The following CSMD2 variants were observed in gnomAD, a reference collection of about 807,000 sequenced individuals.
CSMD2 encodes the protein CUB and sushi domain-containing protein 2.
CSMD2 carries 130 observed loss-of-function variants against 398.5 expected under a neutral mutation model. The observed-to-expected ratio is 0.33, with a 90% confidence interval of 0.28 to 0.38. The LOEUF is 0.38. Ranked by LOEUF, CSMD2 falls within the 10% of genes least tolerant of loss-of-function variation. The pLI, the probability that CSMD2 is intolerant of heterozygous loss-of-function variation, is 1.00. For synonymous variants in CSMD2, 1,828 were observed against 1,908.5 expected (o/e 0.96, Z 1.10); for missense variants, 3,829 against 4,764.9 (o/e 0.80, Z 5.78).
chr1:33,614,408 G>T, intron 40 of CSMD2, 96 bp downstream of exon 40: 1 of 739,416 alleles, frequency 1.4e-6, no homozygotes, highest in Non-Finnish European at 2.5e-6. Flanking sequence ...AACAGACTTG[G>T]CCCAAGTTTG....
At chr1:33,644,441 C>G (rs1351512944) in intron 29 of CSMD2, among the ~76,000 whole-genome samples, 1 of 152,116 alleles carries the variant, frequency 6.6e-6, no homozygotes, top group Non-Finnish European at 1.5e-5. Flanking sequence ...TTTGGAATCT[C>G]TGCCAAGAAG....
Position 33,571,648 on chromosome 1 carries a change from A to C in CSMD2, c.7841T>G (p.Phe2614Cys). 1.3e-6 allele frequency: 2 copies of C among 1,587,614 alleles called. No individual in the cohort carries two copies. The highest frequency in any genetic ancestry group is 2.3e-5 in the South Asian group (2 of 85,904). ...ACAGATGAGCATCAGCTGGGCCTGG[A>C]ACTGATACTGTGTCTCAAAGATAAG... The part of the protein sequence containing the change: ...WRLIFETQYQ[F>C]QAQLMLICDP... Residue 2614 changes from phenylalanine to cysteine, a missense_variant, in exon 51 of 71, where the codon TTC (phenylalanine) becomes TGC (cysteine). Coordinates refer to ENST00000373381, the MANE Select transcript of CSMD2 (RefSeq NM_001281956.2).
At chr1:33,809,933 A>T (rs1313084464) in intron 10 of CSMD2, among the ~76,000 whole-genome samples, 2 of 152,156 alleles carry the variant, frequency 1.3e-5, no homozygotes, top group Non-Finnish European at 2.9e-5. Context: ...TAAGATATTT[A>T]GGAGTAAATA....
intron 2 of CSMD2, among the ~76,000 whole-genome samples, chr1:34,041,633 G>T (rs192255295): frequency 6.6e-6 from 1 of 152,232 alleles, no homozygotes; most frequent in Middle Eastern, 3.4e-3. Flanking sequence ...CAGGCTTGCA[G>T]CAAGGAGACC....
intron 10 of CSMD2, among the ~76,000 whole-genome samples, chr1:33,803,219 C>A (rs1277557408): frequency 1.3e-5 from 2 of 152,194 alleles, no homozygotes; most frequent in African/African-American, 4.8e-5. Flanking sequence ...TTTCTCCTGT[C>A]ACGACGGTAT....
intron 12 of CSMD2, among the ~76,000 whole-genome samples, chr1:33,784,383 C>A (rs889304102): frequency 1.3e-5 from 2 of 152,090 alleles, no homozygotes; most frequent in Non-Finnish European, 2.9e-5. Context: ...GTAGAGGGGG[C>A]TCCTCACCAG....
At chr1:33,821,511 G>T (rs1391189495) in intron 7 of CSMD2, among the ~76,000 whole-genome samples, 1 of 152,126 alleles carries the variant, frequency 6.6e-6, no homozygotes, top group Non-Finnish European at 1.5e-5. Context: ...TCTAGACAAG[G>T]GTTCCAGGGC....
intron 7 of CSMD2, among the ~76,000 whole-genome samples, chr1:33,822,683 T>C (rs1658295673): frequency 6.6e-6 from 1 of 152,092 alleles, no homozygotes; most frequent in African/African-American, 2.4e-5. Flanking sequence ...CAGAGGAAGC[T>C]CCTGCTTCCT....
At chr1:33,971,372 G>A (rs1159272165) in intron 3 of CSMD2, among the ~76,000 whole-genome samples, 1 of 152,202 alleles carries the variant, frequency 6.6e-6, no homozygotes, top group African/African-American at 2.4e-5. Context: ...ATCTTCCTCC[G>A]GCCTTATGGT....
chr1:33,539,273 G>A (rs1246619151), intron 60 of CSMD2, among the ~76,000 whole-genome samples: 2 of 152,130 alleles, frequency 1.3e-5, no homozygotes, highest in Admixed American at 1.3e-4. Flanking sequence ...GCCAAGAAAG[G>A]CAATTTTCAG....
At chr1:34,009,760 A>G (rs1647185408) in intron 3 of CSMD2, among the ~76,000 whole-genome samples, 1 of 151,886 alleles carries the variant, frequency 6.6e-6, no homozygotes, top group Admixed American at 6.6e-5. Flanking sequence ...CCTTTGCCTT[A>G]TTGCTTCCTC....
chr1:33,597,000 A>C (rs1226486351), intron 44 of CSMD2, among the ~76,000 whole-genome samples: 1 of 152,120 alleles, frequency 6.6e-6, no homozygotes, highest in East Asian at 1.9e-4. Context: ...CTAGACTTAT[A>C]TTAGAAGAAG....
chr1:33,583,090 A>G (rs912699224), intron 47 of CSMD2, among the ~76,000 whole-genome samples: 1 of 152,226 alleles, frequency 6.6e-6, no homozygotes, highest in Non-Finnish European at 1.5e-5. Flanking sequence ...TGAGGACATC[A>G]TATTAATTAG....
intron 20 of CSMD2, among the ~76,000 whole-genome samples, chr1:33,715,359 G>C (rs764054971): frequency 1.2e-4 from 19 of 152,256 alleles, no homozygotes; most frequent in Non-Finnish European, 1.8e-4. Context: ...CAGACGGCAA[G>C]CATGACCAGG....
chr1:33,989,863 G>A lies in CSMD2; in HGVS notation c.517+42731C>T, dbSNP rs1646489906. On this transcript the variant is annotated intron_variant, in intron 3 of 70. Transcript: ENST00000373381. ...GATGGGAGGAGAATGACTAAGAACC[G>A]GCACAAAGAAACTTTTGGGGGCGAT... is the stretch of plus-strand genomic sequence containing the variant. Among the ~76,000 whole-genome samples the A allele has an allele frequency of 5.9e-5, 9 of 152,194 alleles. No individual in the cohort carries two copies. In the South Asian group the frequency reaches 1.7e-3, roughly 28 times the overall value.
intron 22 of CSMD2, among the ~76,000 whole-genome samples, chr1:33,707,928 C>T (rs1645859911): frequency 6.6e-6 from 1 of 152,200 alleles, no homozygotes; most frequent in Non-Finnish European, 1.5e-5. Flanking sequence ...AAGGACTTCT[C>T]TGGCTACAAG....
chr1:33,718,305 A>C (rs1646241352), intron 19 of CSMD2, among the ~76,000 whole-genome samples: 1 of 152,262 alleles, frequency 6.6e-6, no homozygotes, highest in Admixed American at 6.5e-5. Context: ...TTAACACCCA[A>C]AGCAATTCTA....
intron 49 of CSMD2, among the ~76,000 whole-genome samples, chr1:33,573,076 C>T (rs1659741088): frequency 6.6e-6 from 1 of 152,058 alleles, no homozygotes; most frequent in Admixed American, 6.6e-5. Context: ...TGAATTAGGG[C>T]TGTTATGGTG....
At chr1:33,557,060 G>A (rs1469944138) in intron 55 of CSMD2, among the ~76,000 whole-genome samples, 2 of 152,238 alleles carry the variant, frequency 1.3e-5, no homozygotes, top group African/African-American at 4.8e-5. Flanking sequence ...AAAACCAGTT[G>A]TCCCCAATTC....
Sources: allele counts gnomAD v4.1 joint callset (sites outside exome capture counted in the v4.1 genomes callset), GRCh38; gene constraint gnomAD v4.1.1; transcripts MANE v1.5; gene names NCBI Gene and HGNC (gene_info 2026-07-23, HGNC 2026-07-21).